Variants in RAP1GAP2 observed in about 807,000 individuals in gnomAD.
The protein encoded by RAP1GAP2 is RAP1 GTPase activating protein 2, also known as rap1 GTPase-activating protein 2.
RAP1GAP2 carries 27 observed loss-of-function variants against 95.0 expected under a neutral mutation model. The observed-to-expected ratio is 0.28, with a 90% CI of 0.21 to 0.39. The LOEUF is 0.39. Ranked by LOEUF, RAP1GAP2 falls within the 10% of genes least tolerant of loss-of-function variation. The pLI is 1.00. For missense variants in RAP1GAP2, 771 were observed against 970.0 expected, an observed-to-expected ratio of 0.79 and a Z score of 2.72; for synonymous variants, 373 against 380.9, an observed-to-expected ratio of 0.98 and a Z score of 0.24.
intron 23 of RAP1GAP2, among the ~76,000 whole-genome samples, chr17:3,031,774 G>A (rs113523646): frequency 1.4e-5 from 2 of 138,526 alleles, no homozygotes; most frequent in African/African-American, 2.8e-5. Context: ...ACTATCGAGA[G>A]CTCCAGGTCC....
chr17:2,921,715 A>T (rs75760936), intron 3 of RAP1GAP2, among the ~76,000 whole-genome samples: 1 of 149,538 alleles, frequency 6.7e-6, no homozygotes, highest in Non-Finnish European at 1.5e-5. Flanking sequence ...TTATGTGTCC[A>T]CAGGGCCGTT....
chr17:2,800,571 C>T (rs376488602), intron 2 of RAP1GAP2, 21 bp downstream of exon 2: 3 of 1,610,004 alleles, frequency 1.9e-6, no homozygotes, highest in African/African-American at 1.3e-5. Flanking sequence ...ATTTCCTGTT[C>T]TGTAAAGGTC....
intron 2 of RAP1GAP2, among the ~76,000 whole-genome samples, chr17:2,875,147 A>G (rs945970216): frequency 2.0e-5 from 3 of 151,912 alleles, no homozygotes; most frequent in African/African-American, 7.3e-5. Flanking sequence ...GCTCACTGCA[A>G]CCCCTGCCTC....
chr17:2,995,495 C>T (rs745784503), intron 13 of RAP1GAP2, 29 bp downstream of exon 13: 15 of 1,612,078 alleles, frequency 9.3e-6, no homozygotes, highest in African/African-American at 4.0e-5. Context: ...GCTTTGGGAG[C>T]CCAGGGCGGG....
chr17:2,942,884 T>C (rs559955498), intron 3 of RAP1GAP2, among the ~76,000 whole-genome samples: 11 of 152,178 alleles, frequency 7.2e-5, no homozygotes, highest in Middle Eastern at 3.4e-3. Flanking sequence ...TCTCCTGCCT[T>C]AGCCTCCTGA....
At chr17:2,880,716 A>C (rs1240517696) in intron 2 of RAP1GAP2, among the ~76,000 whole-genome samples, 1 of 152,012 alleles carries the variant, frequency 6.6e-6, no homozygotes, top group Non-Finnish European at 1.5e-5. Context: ...TTCATAATGC[A>C]GGTTGGGTGT....
chr17:2,838,837 A>G (rs186526579), intron 2 of RAP1GAP2, among the ~76,000 whole-genome samples: 1 of 152,276 alleles, frequency 6.6e-6, no homozygotes, highest in East Asian at 1.9e-4. Flanking sequence ...AGGGGCTAAT[A>G]TATGTCTTTA....
intron 8 of RAP1GAP2, among the ~76,000 whole-genome samples, chr17:2,974,817 AG>A (rs1285901152): frequency 1.3e-5 from 2 of 152,220 alleles, no homozygotes; most frequent in African/African-American, 2.4e-5. Context: ...AATTAGTAGG[AG>A]ATAAAAGGAG....
rs185137864 is a variant in RAP1GAP2 at position 3,013,493 on chromosome 17, C to T, written c.1495-4568C>T. On this transcript the variant is annotated intron_variant, in intron 17 of 24. Coordinates refer to ENST00000254695, the MANE Select transcript of RAP1GAP2 (RefSeq NM_015085.5). ...TGCCCCGCTAGAGGGACAGAAGACC[C>T]GGTGCTGACTCCTCACACTTACCCA... is the stretch of plus-strand genomic sequence containing the variant. Among the ~76,000 whole-genome samples, 443 of 152,238 alleles carry T rather than the reference C, an allele frequency of 2.9e-3. 1 individual carries two copies. The highest frequency in any genetic ancestry group is 0.01 in the African/African-American group (418 of 41,556).
chr17:2,843,771 G>A (rs554337043), intron 2 of RAP1GAP2, among the ~76,000 whole-genome samples: 4 of 152,242 alleles, frequency 2.6e-5, no homozygotes, highest in Admixed American at 2.6e-4. Flanking sequence ...ATGGGGCCAC[G>A]TGAAGGTCAC....
At chr17:2,826,167 T>TTTG (rs1555548397) in intron 2 of RAP1GAP2, among the ~76,000 whole-genome samples, 2 of 148,898 alleles carry the variant, frequency 1.3e-5, no homozygotes, top group African/African-American at 5.0e-5. Context: ...TTTTTTTTTT[T>TTTG]TGTATTTTTA....
At chr17:2,774,399 C>T (rs2068452245), upstream of RAP1GAP2, among the ~76,000 whole-genome samples, 1 of 151,640 alleles carries the variant, frequency 6.6e-6, no homozygotes, top group African/African-American at 2.4e-5. Flanking sequence ...CCCCCTTGAA[C>T]AGCTGAGCAG....
intron 2 of RAP1GAP2, among the ~76,000 whole-genome samples, chr17:2,901,070 A>G (rs915891464): frequency 6.6e-6 from 1 of 152,114 alleles, no homozygotes; most frequent in Admixed American, 6.5e-5. Context: ...TTGACTTCTC[A>G]GCTTCCACTC....
At position 3,005,828 on chromosome 17, in the gene RAP1GAP2, C is replaced by A. The variant is rs187005147; in HGVS notation, c.1273-127C>A. The A allele has an allele frequency of 2.3e-6, 2 of 877,254 alleles. No homozygotes were observed. Among genetic ancestry groups the A allele is most frequent in the Admixed American group, 1.9e-5 (1 of 51,362 alleles). The allele number at this position is 877,254 out of a possible 1,614,324, so 54.3% of individuals were successfully genotyped here. On this transcript the variant is annotated intron_variant, in intron 15 of 24. Transcript: ENST00000254695. The surrounding 1 kb of genome is among the most constrained non-coding windows in gnomAD (Gnocchi z 5.2). Reference sequence around the variant, plus strand: ...GGCTTGGCCTGGGCTAGAAATGATCCGCTGTCGGAAGGGACTTTTCAGGGG... The same window carrying A: ...GGCTTGGCCTGGGCTAGAAATGATCAGCTGTCGGAAGGGACTTTTCAGGGG...
chr17:2,907,053 G>C (rs2042220968), intron 3 of RAP1GAP2, among the ~76,000 whole-genome samples: 1 of 152,006 alleles, frequency 6.6e-6, no homozygotes, highest in African/African-American at 2.4e-5. Flanking sequence ...GGTGGTAGCA[G>C]CTCCTACCTG....
chr17:2,847,562 C>G (rs1460764803), intron 2 of RAP1GAP2, among the ~76,000 whole-genome samples: 1 of 152,102 alleles, frequency 6.6e-6, no homozygotes, highest in African/African-American at 2.4e-5. Flanking sequence ...TCTGTAGAGC[C>G]AAACAGAATA....
At chr17:2,853,485 A>C (rs1160610705) in intron 2 of RAP1GAP2, among the ~76,000 whole-genome samples, 1 of 143,574 alleles carries the variant, frequency 7.0e-6, no homozygotes, top group African/African-American at 2.6e-5. Context: ...CGCCGGCGGG[A>C]GTGCGGGCGG....
intron 2 of RAP1GAP2, among the ~76,000 whole-genome samples, chr17:2,819,724 T>C (rs1333238166): frequency 6.6e-6 from 1 of 151,818 alleles, no homozygotes; most frequent in Non-Finnish European, 1.5e-5. Flanking sequence ...TGCCTCGGCC[T>C]CCCAAAGTGC....
chr17:2,771,066 AAAC>A lies in RAP1GAP2; in HGVS notation c.167+627_167+629del, dbSNP rs529876781. ...TGTTTCAAAAAACAAACAAACAAAC[AAAC>A]AACAAACAACATAAAACAAACAAAA... On this transcript the variant is annotated intron_variant, in intron 2 of 25. Transcript: ENST00000637138. 3.6e-4 allele frequency among the ~76,000 whole-genome samples: 54 copies of A among 152,096 alleles called. 1 individual carries two copies. In the East Asian group the frequency reaches 8.3e-3, roughly 23 times the overall value.
Sources: allele counts gnomAD v4.1 joint callset (sites outside exome capture counted in the v4.1 genomes callset), GRCh38; gene constraint gnomAD v4.1.1; non-coding constraint Gnocchi (gnomAD v3.1); transcripts MANE v1.5; gene names NCBI Gene and HGNC (gene_info 2026-07-23, HGNC 2026-07-21).